The following EPHA3 variants were observed in gnomAD, a reference collection of about 807,000 sequenced individuals.
The protein encoded by EPHA3 is ephrin type-A receptor 3.
Under a neutral mutation model 107.1 loss-of-function variants are expected in EPHA3, and 42 were observed. The ratio of observed to expected loss-of-function variants is 0.39; its 90% CI spans 0.31 to 0.51. The LOEUF is 0.51. Among genes scored for constraint, EPHA3 ranks in the 20% least tolerant of loss-of-function variants. The probability of loss-of-function intolerance (pLI) is 0.78; values close to 1 mark genes in which losing one functional copy is unlikely to be tolerated. For missense variants in EPHA3, 1,183 were observed against 1,211.2 expected (o/e 0.98, Z 0.35); for synonymous variants, 461 against 424.8 (o/e 1.09, Z -1.05).
chr3:89,235,017 C>T (rs1256069316), intron 3 of EPHA3, among the ~76,000 whole-genome samples: 2 of 134,946 alleles, frequency 1.5e-5, no homozygotes, highest in South Asian at 2.5e-4. Flanking sequence ...TTTCTTTTCC[C>T]TCCCCTTCCC....
At chr3:89,425,285 A>G in intron 11 of EPHA3, among the ~76,000 whole-genome samples, 1 of 151,178 alleles carries the variant, frequency 6.6e-6, no homozygotes, top group South Asian at 2.1e-4. Flanking sequence ...TATTTTTATC[A>G]GTTAGGTATG....
At chr3:89,415,369 A>C (rs1428728285) in intron 10 of EPHA3, among the ~76,000 whole-genome samples, 2 of 149,420 alleles carry the variant, frequency 1.3e-5, no homozygotes, top group Admixed American at 6.7e-5. Flanking sequence ...AAAATTTAAT[A>C]ATTATTCTAA....
In EPHA3 at chr3:89,237,437, T is replaced by C. The variant is rs182378214; in HGVS notation, c.814+26917T>C. Among the ~76,000 whole-genome samples the C allele has an allele frequency of 2.8e-3, 424 of 152,250 alleles. 1 individual carries two copies. The highest frequency in any genetic ancestry group is 5.3e-3 in the Admixed American group (81 of 15,288). On this transcript the variant is annotated intron_variant, in intron 3 of 16. Coordinates refer to ENST00000336596, the MANE Select transcript of EPHA3 (RefSeq NM_005233.6). The stretch of plus-strand genomic sequence containing the variant: ...TGAGCCAATTTCACAAACCAAGGAT[T>C]ATGATTAATGTAGTTCTGTGAATTT...
intron 3 of EPHA3, among the ~76,000 whole-genome samples, chr3:89,277,413 T>C (rs902708951): frequency 2.6e-5 from 4 of 152,112 alleles, no homozygotes; most frequent in South Asian, 2.1e-4. Context: ...AGCCATATCA[T>C]AGACGACTAG....
At chr3:89,313,052 G>T (rs140813064) in intron 3 of EPHA3, among the ~76,000 whole-genome samples, 16 of 152,060 alleles carry the variant, frequency 1.1e-4, no homozygotes, top group African/African-American at 3.9e-4. Flanking sequence ...ACGTATGTGT[G>T]CATGTGTCTT....
At chr3:89,288,780 C>A (rs1252464808) in intron 3 of EPHA3, among the ~76,000 whole-genome samples, 1 of 152,024 alleles carries the variant, frequency 6.6e-6, no homozygotes, top group Non-Finnish European at 1.5e-5. Flanking sequence ...GAAAAGGAGG[C>A]ATTGTGGTTG....
intron 3 of EPHA3, among the ~76,000 whole-genome samples, chr3:89,273,731 T>C (rs956168475): frequency 7.1e-5 from 10 of 140,922 alleles, no homozygotes; most frequent in African/African-American, 2.9e-4. Context: ...TTTATGTATG[T>C]TTCTGTTTTA....
intron 6 of EPHA3, among the ~76,000 whole-genome samples, chr3:89,398,832 A>T (rs74641525): frequency 0.015 from 2,310 of 152,284 alleles, 41 homozygotes; most frequent in African/African-American, 0.052. Flanking sequence ...TTTTATTTTT[A>T]GAAATGCCCA....
chr3:89,210,063 A>T lies in EPHA3; in HGVS notation c.357A>T (p.Thr119=), dbSNP rs184977302. The change falls in exon 3 of 17, where the codon ACA becomes ACT. Residue 119 remains threonine, a synonymous_variant. Coordinates refer to ENST00000336596, the MANE Select transcript of EPHA3 (RefSeq NM_005233.6). ...IPLVLGTCKE[T]FNLYYMESDD... is the part of the protein sequence containing the mutation. ...TGGTTTTAGGAACTTGCAAGGAGAC[A>T]TTCAACCTGTACTACATGGAGTCTG... The T allele has an allele frequency of 1.8e-5, 29 of 1,614,044 alleles. No homozygotes were observed.
At chr3:89,314,936 C>T (rs887842468) in intron 3 of EPHA3, among the ~76,000 whole-genome samples, 1 of 151,796 alleles carries the variant, frequency 6.6e-6, no homozygotes, top group African/African-American at 2.4e-5. Context: ...TATAGCTTAC[C>T]ACATACTTTG....
chr3:89,261,117 T>C (rs1042074033), intron 3 of EPHA3, among the ~76,000 whole-genome samples: 4 of 152,252 alleles, frequency 2.6e-5, no homozygotes, highest in Admixed American at 2.6e-4. Context: ...AAGCCAGTTA[T>C]GGTATTTGCT....
At chr3:89,217,039 C>A (rs745732584) in intron 3 of EPHA3, among the ~76,000 whole-genome samples, 1 of 152,018 alleles carries the variant, frequency 6.6e-6, no homozygotes, top group Non-Finnish European at 1.5e-5. Flanking sequence ...CACTTTCCAC[C>A]TTTTTTTCCT....
At chr3:89,150,153 G>A (rs1285530200) in intron 2 of EPHA3, among the ~76,000 whole-genome samples, 1 of 151,882 alleles carries the variant, frequency 6.6e-6, no homozygotes, top group African/African-American at 2.4e-5. Context: ...ATGACTTCAT[G>A]ATTAATTATT....
At chr3:89,454,171 T>G (rs1213592244) in intron 15 of EPHA3, among the ~76,000 whole-genome samples, 1 of 152,124 alleles carries the variant, frequency 6.6e-6, no homozygotes, top group Non-Finnish European at 1.5e-5. Flanking sequence ...TCTGGAAAAT[T>G]TAGGTGATAT....
At chr3:89,399,784 C>G (rs948782383) in intron 7 of EPHA3, 30 of 1,133,916 alleles carry the variant, frequency 2.6e-5, no homozygotes, top group Admixed American at 4.6e-5. Context: ...TAGTAACACA[C>G]TTCCAGTGTC....
chr3:89,249,663 A>C (rs6786204), intron 3 of EPHA3, among the ~76,000 whole-genome samples: 40,344 of 151,702 alleles, frequency 0.27, 5,620 homozygotes, highest in African/African-American at 0.32. Flanking sequence ...GTTTCACCAC[A>C]TTGCCCTCAC....
chr3:89,143,506 C>G (rs1461342982), intron 2 of EPHA3, among the ~76,000 whole-genome samples: 1 of 151,460 alleles, frequency 6.6e-6, no homozygotes, highest in Admixed American at 6.6e-5. Flanking sequence ...CTATCAAAGT[C>G]AAGAAAGAAT....
intron 13 of EPHA3, among the ~76,000 whole-genome samples, chr3:89,434,053 A>G (rs1432688290): frequency 6.6e-6 from 1 of 152,204 alleles, no homozygotes; most frequent in Non-Finnish European, 1.5e-5. Flanking sequence ...CATGAAAAGT[A>G]TCATGCTTAC....
chr3:89,207,159 T>TA (rs1706124828), intron 2 of EPHA3, among the ~76,000 whole-genome samples: 1 of 152,252 alleles, frequency 6.6e-6, no homozygotes, highest in Non-Finnish European at 1.5e-5. Context: ...GAATTTAGTA[T>TA]AAAAAAATTT....
Sources: gnomAD v4.1 joint callset for allele counts (sites outside exome capture counted in the v4.1 genomes callset) on GRCh38, gnomAD v4.1.1 for gene constraint, MANE v1.5 for transcripts, NCBI Gene and HGNC (gene_info 2026-07-23, HGNC 2026-07-21) for gene names.